The following RPAP2 variants were observed in gnomAD, a reference collection of about 807,000 sequenced individuals.
RPAP2 encodes the protein putative RNA polymerase II subunit B1 CTD phosphatase RPAP2.
A neutral mutation model predicts 73.1 loss-of-function variants in RPAP2; 52 were observed. The observed-to-expected ratio is 0.71, with a 90% CI of 0.57 to 0.90. The LOEUF is 0.90. Among genes scored for constraint, RPAP2 ranks in the 40% least tolerant of loss-of-function variants. The pLI is 0.00. For synonymous variants in RPAP2, 225 were observed against 242.1 expected (o/e 0.93, Z 0.65); for missense variants, 598 against 701.8 (o/e 0.85, Z 1.67).
At chr1:92,320,376 G>C (rs901658523) in intron 6 of RPAP2, among the ~76,000 whole-genome samples, 1 of 152,040 alleles carries the variant, frequency 6.6e-6, no homozygotes, top group Non-Finnish European at 1.5e-5. Context: ...TGGTTCAAGC[G>C]ATTCTCCTGC....
chr1:92,389,916 T>A lies in RPAP2; in HGVS notation c.*2905T>A, dbSNP rs931968900. The A allele has an allele frequency of 6.6e-6, 1 of 152,210 alleles. No individual in the cohort carries two copies. The highest frequency in any genetic ancestry group is 2.4e-5 in the African/African-American group (1 of 41,452). 9.4% of individuals were successfully genotyped at this position (152,210 alleles called of 1,614,324 possible). A position where few individuals can be genotyped will look rare whatever the true frequency, so the allele number is the denominator to read the frequency against. On this transcript the variant is annotated 3_prime_UTR_variant, in exon 13 of 13. Coordinates refer to ENST00000610020, the MANE Select transcript of RPAP2 (RefSeq NM_024813.3). ...TATGTGAAAAGACCAAATCTATGTT[T>A]GATTGGTGTACCTGAAAGTGATGGG...
Position 92,304,041 on chromosome 1 carries a change from G to A in RPAP2, c.299G>A (p.Cys100Tyr). 6.2e-7 allele frequency: 1 copy of A among 1,612,850 alleles called. No individual in the cohort carries two copies. The highest frequency in any genetic ancestry group is 8.5e-7 in the Non-Finnish European group (1 of 1,179,490). Residue 100 changes from cysteine (C) to tyrosine (Y), a missense_variant, in exon 4 of 13, where the codon TGT (cysteine) becomes TAT (tyrosine). Cys to Tyr is a radical substitution (Grantham distance 194). This residue lies in a region of RPAP2 where 506 missense variants were observed against 612.8 expected (regional missense o/e 0.83). Transcript: ENST00000610020. The stretch of plus-strand genomic sequence containing the variant: ...GATGAACGTTCTATTGTCAAACTCT[G>A]TGGTTATCCTTTATGTCAGAAGAAG... ...VVDERSIVKL[C>Y]GYPLCQKKLG... is the part of the protein sequence containing the mutation.
At chr1:92,352,626 ACT>A (rs1464991527) in intron 11 of RPAP2, among the ~76,000 whole-genome samples, 2 of 152,244 alleles carry the variant, frequency 1.3e-5, no homozygotes, top group East Asian at 3.8e-4. Context: ...CATTGAAATT[ACT>A]TTTTTATATT....
intron 11 of RPAP2, among the ~76,000 whole-genome samples, chr1:92,367,251 C>A (rs1265228838): frequency 6.6e-6 from 1 of 152,184 alleles, no homozygotes; most frequent in Non-Finnish European, 1.5e-5. Context: ...AACCGTATAG[C>A]CTCCTAAAAT....
chr1:92,326,362 T>A (rs1652626753), intron 8 of RPAP2, among the ~76,000 whole-genome samples: 1 of 152,206 alleles, frequency 6.6e-6, no homozygotes, highest in African/African-American at 2.4e-5. Flanking sequence ...CTGGTGGAGA[T>A]GGCAGGGGGG....
chr1:92,317,406 G>T (rs1211399342), intron 6 of RPAP2, among the ~76,000 whole-genome samples: 1 of 152,060 alleles, frequency 6.6e-6, no homozygotes, highest in Admixed American at 6.5e-5. Context: ...TACTCAGGAG[G>T]CTGAGGCAGG....
chr1:92,353,484 T>C (rs1051521706), intron 11 of RPAP2, among the ~76,000 whole-genome samples: 1 of 152,220 alleles, frequency 6.6e-6, no homozygotes, highest in African/African-American at 2.4e-5. Flanking sequence ...TTTAGGAATT[T>C]CTACTATACA....
intron 1 of RPAP2, 29 bp from the exon 2 acceptor site, chr1:92,300,165 T>G: frequency 6.5e-7 from 1 of 1,538,558 alleles, no homozygotes; most frequent in Non-Finnish European, 8.9e-7. Flanking sequence ...AATGTCATTA[T>G]GTAGCACATG....
In RPAP2 at chr1:92,320,473, A is replaced by G. The variant is rs1290544334; in HGVS notation, c.489-126A>G. The G allele has an allele frequency of 3.0e-5, 19 of 627,736 alleles. No homozygotes were observed. The Admixed American group carries it at 3.4e-4, about 11-fold the overall frequency. The allele number at this position is 627,736 out of a possible 1,614,324, so 38.9% of individuals were successfully genotyped here. Reference sequence around the variant, plus strand: ...TTTTTAGTAGAGATGGGGTTTCACCATGTTGGCCAGGATGGTCTCAATCTC... The same window carrying G: ...TTTTTAGTAGAGATGGGGTTTCACCGTGTTGGCCAGGATGGTCTCAATCTC... On this transcript the variant is annotated intron_variant, in intron 6 of 12. Transcript: ENST00000610020.
chr1:92,374,754 A>C (rs2101433293), intron 11 of RPAP2, among the ~76,000 whole-genome samples: 1 of 152,326 alleles, frequency 6.6e-6, no homozygotes, highest in African/African-American at 2.4e-5. Context: ...ATGCCCAGTA[A>C]GCAGCCAGAC....
intron 6 of RPAP2, among the ~76,000 whole-genome samples, chr1:92,314,405 T>A (rs1651789785): frequency 6.6e-6 from 1 of 151,180 alleles, no homozygotes; most frequent in Non-Finnish European, 1.5e-5. Flanking sequence ...GTTGCATACA[T>A]TTTTACATTT....
intron 12 of RPAP2, among the ~76,000 whole-genome samples, chr1:92,381,818 G>A (rs1655650932): frequency 6.6e-6 from 1 of 151,498 alleles, no homozygotes; most frequent in South Asian, 2.1e-4. Context: ...TGTGCACAAT[G>A]TGCAGGTTTG....
chr1:92,307,363 G>A (rs1651312573), intron 6 of RPAP2, 87 bp downstream of exon 6: 1 of 856,820 alleles, frequency 1.2e-6, no homozygotes, highest in African/African-American at 1.7e-5. Flanking sequence ...AGTAAGTCTA[G>A]TTTTCTGTAA....
chr1:92,301,378 A>T, intron 2 of RPAP2, 98 bp from the exon 3 acceptor site: 1 of 472,204 alleles, frequency 2.1e-6, no homozygotes, highest in Non-Finnish European at 3.7e-6. Context: ...TTTAAATTTA[A>T]GTGGCAAAAT....
At chr1:92,383,544 G>T (rs1655740661) in intron 12 of RPAP2, among the ~76,000 whole-genome samples, 1 of 152,204 alleles carries the variant, frequency 6.6e-6, no homozygotes. Flanking sequence ...GTGAATGGGA[G>T]TTCACTCATG....
intron 8 of RPAP2, 150 bp downstream of exon 8, chr1:92,324,525 A>G (rs1164753374): frequency 7.9e-6 from 5 of 636,496 alleles, no homozygotes; most frequent in African/African-American, 1.8e-5. Flanking sequence ...TTACAGTGCC[A>G]TCTCCACTGT....
chr1:92,348,896 G>T (rs753389373), intron 11 of RPAP2, among the ~76,000 whole-genome samples: 1 of 152,142 alleles, frequency 6.6e-6, no homozygotes, highest in Non-Finnish European at 1.5e-5. Context: ...GCAAAAACAG[G>T]CATGAAGGCC....
chr1:92,360,381 G>A (rs1654677678), intron 11 of RPAP2, among the ~76,000 whole-genome samples: 1 of 152,172 alleles, frequency 6.6e-6, no homozygotes, highest in Admixed American at 6.5e-5. Context: ...ATTACATATG[G>A]TGTTGGGGCA....
At chr1:92,320,300 G>A (rs749080200) in intron 6 of RPAP2, among the ~76,000 whole-genome samples, 2 of 151,974 alleles carry the variant, frequency 1.3e-5, no homozygotes, top group Non-Finnish European at 2.9e-5. Flanking sequence ...TTAAGATGGA[G>A]TCTCGCTCTG....
Sources: gnomAD v4.1 joint callset for allele counts (sites outside exome capture counted in the v4.1 genomes callset) on GRCh38, gnomAD v4.1.1 for gene constraint, gnomAD v4.1.1 regional missense constraint, MANE v1.5 for transcripts, NCBI Gene and HGNC (gene_info 2026-07-23, HGNC 2026-07-21) for gene names.